The following BAZ2B variants were observed in gnomAD, a reference collection of about 807,000 sequenced individuals.
BAZ2B encodes the protein bromodomain adjacent to zinc finger domain protein 2B.
BAZ2B carries 91 observed loss-of-function variants against 246.0 expected under a neutral mutation model. The ratio of observed to expected loss-of-function variants is 0.37; its 90% CI spans 0.31 to 0.44. The LOEUF (loss-of-function observed/expected upper bound fraction) is 0.44, where lower values mean the gene tolerates loss of function less well. BAZ2B is among the 20% of genes least tolerant of loss of function. BAZ2B has a pLI of 1.00. For missense variants in BAZ2B, 2,332 were observed against 2,533.7 expected, an observed-to-expected ratio of 0.92 and a Z score of 1.71; for synonymous variants, 855 against 860.0, an observed-to-expected ratio of 0.99 and a Z score of 0.10.
chr2:159,579,590 T>C (rs928033297), intron 1 of BAZ2B, among the ~76,000 whole-genome samples: 6 of 152,282 alleles, frequency 3.9e-5, no homozygotes, highest in African/African-American at 1.4e-4. Context: ...AACATCATCC[T>C]GATACCAAAG....
chr2:159,697,024 G>T, the BAZ2B span, among the ~76,000 whole-genome samples: 1 of 152,106 alleles, frequency 6.6e-6, no homozygotes, highest in East Asian at 1.9e-4. Flanking sequence ...GACTTCAGGT[G>T]ATTCACTTGC....
chr2:159,466,369 T>C (rs879141649), intron 3 of BAZ2B, among the ~76,000 whole-genome samples: 10 of 152,228 alleles, frequency 6.6e-5, no homozygotes, highest in African/African-American at 2.4e-4. Context: ...TCATCTCTCC[T>C]TCCCTTCCTT....
chr2:159,417,454 C>T (rs935296074), intron 13 of BAZ2B, among the ~76,000 whole-genome samples: 4 of 151,976 alleles, frequency 2.6e-5, no homozygotes, highest in Admixed American at 2.0e-4. Flanking sequence ...TACATGCGTG[C>T]GCCACCAAGC....
chr2:159,534,644 T>C (rs78804583), intron 2 of BAZ2B, among the ~76,000 whole-genome samples: 1 of 151,984 alleles, frequency 6.6e-6, no homozygotes, highest in Admixed American at 6.6e-5. Flanking sequence ...TTTTTTTTTT[T>C]CTGAGACGGA....
chr2:159,370,336 T>TAA, intron 27 of BAZ2B, among the ~76,000 whole-genome samples: 1 of 144,170 alleles, frequency 6.9e-6, no homozygotes, highest in South Asian at 2.2e-4. Flanking sequence ...ATATATTTAT[T>TAA]AAAAAAAAAA....
chr2:159,529,768 A>G (rs1045505931), intron 2 of BAZ2B, among the ~76,000 whole-genome samples: 3 of 152,202 alleles, frequency 2.0e-5, no homozygotes, highest in Non-Finnish European at 4.4e-5. Context: ...TCCTTAGCAC[A>G]TGCAAGTAAC....
At chr2:159,493,833 G>A (rs1177892089) in intron 2 of BAZ2B, among the ~76,000 whole-genome samples, 1 of 152,190 alleles carries the variant, frequency 6.6e-6, no homozygotes, top group Non-Finnish European at 1.5e-5. Flanking sequence ...ACTGGCAGAA[G>A]AGGCCATAAA....
chr2:159,392,369 C>T (rs577875754), intron 20 of BAZ2B, among the ~76,000 whole-genome samples: 1 of 151,794 alleles, frequency 6.6e-6, no homozygotes, highest in African/African-American at 2.4e-5. Context: ...TTTTATCGTT[C>T]CCACAACTAC....
chr2:159,385,144 C>CAT lies in BAZ2B; in HGVS notation c.3686+9_3686+10dup. The CAT allele has an allele frequency of 6.2e-7, 1 of 1,600,470 alleles. No individual in the cohort carries two copies. The highest frequency in any genetic ancestry group is 1.1e-5 in the South Asian group (1 of 90,620). ...TGGAAAAATCACGGAAAAGCCTGGGCATATGCTCACCTGACCACACTCTTG... is the reference window on the plus strand; with the variant it reads ...TGGAAAAATCACGGAAAAGCCTGGGCATATATGCTCACCTGACCACACTCTTG... On this transcript the variant is annotated intron_variant, in intron 23 of 36. Transcript: ENST00000392783.
intron 10 of BAZ2B, among the ~76,000 whole-genome samples, chr2:159,429,653 A>C (rs182679190): frequency 6.4e-4 from 98 of 152,288 alleles, no homozygotes; most frequent in African/African-American, 2.1e-3. Flanking sequence ...CAGCTGGCTC[A>C]TATATTTAAA....
chr2:159,642,704 AAG>A, the BAZ2B span, among the ~76,000 whole-genome samples: 1 of 152,256 alleles, frequency 6.6e-6, no homozygotes, highest in African/African-American at 2.4e-5. Flanking sequence ...AACATTAAAA[AAG>A]AGAATTAAAA....
At chr2:159,638,634 T>C in the BAZ2B span, among the ~76,000 whole-genome samples, 10 of 151,920 alleles carry the variant, frequency 6.6e-5, no homozygotes, top group African/African-American at 2.4e-4. Context: ...AGTTTTTTAA[T>C]AGCAGACTTG....
Position 159,348,997 on chromosome 2 carries a change from A to G in BAZ2B, c.5137+10T>C, listed in dbSNP as rs371168109. 6.8e-6 allele frequency: 11 copies of G among 1,612,638 alleles called. No homozygotes were observed. The highest frequency in any genetic ancestry group is 2.2e-5 in the East Asian group (1 of 44,860). On this transcript the variant is annotated intron_variant, in intron 29 of 36. Coordinates refer to ENST00000392783, the MANE Select transcript of BAZ2B (RefSeq NM_013450.4). ...GAGTAAGTGGCTGTAAACCATCTCA[A>G]TGTACCTACCTTCTGGAATAGGTTT...
intron 19 of BAZ2B, 164 bp downstream of exon 19, chr2:159,397,181 A>G (rs2064152714): frequency 7.3e-7 from 1 of 1,362,838 alleles, no homozygotes; most frequent in African/African-American, 1.5e-5. Flanking sequence ...CCAAAAAGAC[A>G]CCAATACCAA....
chr2:159,427,854 A>G, intron 13 of BAZ2B, 87 bp downstream of exon 13: 1 of 1,053,682 alleles, frequency 9.5e-7, no homozygotes, highest in Non-Finnish European at 1.4e-6. Context: ...AAGAAAGGCA[A>G]TGCTCCAGAG....
chr2:159,397,079 C>T (rs769779745), intron 19 of BAZ2B: 13 of 1,423,032 alleles, frequency 9.1e-6, no homozygotes, highest in Non-Finnish European at 1.1e-5. Flanking sequence ...CATACCATAT[C>T]TAGTCTATGC....
At chr2:159,408,716 C>T (rs776822967) in intron 14 of BAZ2B, among the ~76,000 whole-genome samples, 3 of 152,028 alleles carry the variant, frequency 2.0e-5, no homozygotes, top group East Asian at 1.9e-4. Context: ...GTCAGGAGTT[C>T]GAGGCCACCC....
intron 3 of BAZ2B, chr2:159,463,399 C>T (rs1319763563): frequency 2.2e-5 from 4 of 184,464 alleles, no homozygotes; most frequent in Non-Finnish European, 4.5e-5. Flanking sequence ...GTAAATCCCA[C>T]AAACAGGATG....
intron 19 of BAZ2B, chr2:159,396,278 G>C (rs1309353768): frequency 6.6e-6 from 1 of 152,450 alleles, no homozygotes; most frequent in Non-Finnish European, 1.5e-5. Context: ...TTGATTTATA[G>C]TCACTTTAAC....
Sources: allele counts gnomAD v4.1 joint callset (sites outside exome capture counted in the v4.1 genomes callset), GRCh38; gene constraint gnomAD v4.1.1; transcripts MANE v1.5; gene names NCBI Gene and HGNC (gene_info 2026-07-23, HGNC 2026-07-21).